ELMO1: variants seen among roughly 807,000 people sequenced by gnomAD.
ELMO1 encodes engulfment and cell motility 1, also known as engulfment and cell motility protein 1.
ELMO1 carries 26 observed loss-of-function variants against 98.9 expected under a neutral mutation model. That is an observed-to-expected ratio of 0.26 (90% confidence interval 0.19 to 0.36). The LOEUF (loss-of-function observed/expected upper bound fraction) is 0.36, where lower values mean the gene tolerates loss of function less well. Among genes scored for constraint, ELMO1 ranks in the 10% least tolerant of loss-of-function variants. The pLI, the probability that ELMO1 is intolerant of heterozygous loss-of-function variation, is 1.00. For missense variants in ELMO1, 627 were observed against 935.2 expected, an observed-to-expected ratio of 0.67 and a Z score of 4.30; for synonymous variants, 346 against 346.0, an observed-to-expected ratio of 1.00 and a Z score of 0.00.
intron 2 of ELMO1, among the ~76,000 whole-genome samples, chr7:37,330,005 G>A (rs963224050): frequency 2.6e-5 from 4 of 152,102 alleles, no homozygotes; most frequent in South Asian, 2.1e-4. Flanking sequence ...AACTAACCAC[G>A]TCACTCCCCT....
intron 13 of ELMO1, among the ~76,000 whole-genome samples, chr7:37,206,346 G>A (rs73690150): frequency 0.011 from 1,679 of 152,156 alleles, 35 homozygotes; most frequent in African/African-American, 0.038. Context: ...GCCTGTGATT[G>A]GTAGAGTCAG....
At chr7:37,302,949 T>C (rs943294680) in intron 4 of ELMO1, among the ~76,000 whole-genome samples, 1 of 152,202 alleles carries the variant, frequency 6.6e-6, no homozygotes, top group Non-Finnish European at 1.5e-5. Flanking sequence ...GCAGGCACAC[T>C]ACCTTTCCTG....
chr7:37,189,021 T>A (rs1269811645), intron 13 of ELMO1, among the ~76,000 whole-genome samples: 1 of 152,238 alleles, frequency 6.6e-6, no homozygotes, highest in Non-Finnish European at 1.5e-5. Flanking sequence ...ACCAAGGAAC[T>A]GTGCTTCTAG....
chr7:37,323,168 A>G (rs1436971493), intron 2 of ELMO1, among the ~76,000 whole-genome samples: 3 of 152,160 alleles, frequency 2.0e-5, no homozygotes, highest in African/African-American at 4.8e-5. Context: ...ACATTTGCAA[A>G]AATATCGTTA....
chr7:37,192,831 T>C (rs939593236), intron 13 of ELMO1, among the ~76,000 whole-genome samples: 8 of 146,590 alleles, frequency 5.5e-5, no homozygotes, highest in Non-Finnish European at 1.0e-4. Flanking sequence ...TGTGTGTATA[T>C]ATGTATATAT....
chr7:36,900,756 G>A (rs1056177698), intron 16 of ELMO1, among the ~76,000 whole-genome samples: 15 of 152,200 alleles, frequency 9.9e-5, no homozygotes, highest in Non-Finnish European at 1.8e-4. Flanking sequence ...TCTTCACAGT[G>A]ACGAGAAAAG....
At chr7:36,904,783 AG>A (rs1445556055) in intron 16 of ELMO1, among the ~76,000 whole-genome samples, 1 of 152,168 alleles carries the variant, frequency 6.6e-6, no homozygotes, top group Non-Finnish European at 1.5e-5. Context: ...AGAAAAGGTG[AG>A]GTTTGGGGTC....
chr7:37,332,187 C>T (rs1472363752), intron 2 of ELMO1, among the ~76,000 whole-genome samples: 1 of 152,116 alleles, frequency 6.6e-6, no homozygotes, highest in African/African-American at 2.4e-5. Context: ...GAAAGACACA[C>T]AAAGATTTTC....
At chr7:37,375,989 G>T in intron 1 of ELMO1, 1 of 548,276 alleles carries the variant, frequency 1.8e-6, no homozygotes, top group East Asian at 3.8e-5. Context: ...TTTAGAGGAG[G>T]ATTTGGTTGT....
At chr7:36,927,108 A>T (rs1312835903) in intron 16 of ELMO1, among the ~76,000 whole-genome samples, 1 of 152,206 alleles carries the variant, frequency 6.6e-6, no homozygotes, top group African/African-American at 2.4e-5. Context: ...ATATGGTTTC[A>T]TTCATTGAAT....
chr7:37,340,229 T>C (rs952964689), intron 2 of ELMO1, among the ~76,000 whole-genome samples: 1 of 152,222 alleles, frequency 6.6e-6, no homozygotes, highest in African/African-American at 2.4e-5. Flanking sequence ...GTTTTATAAA[T>C]GTACTGTGAT....
intron 14 of ELMO1, among the ~76,000 whole-genome samples, chr7:37,103,699 AT>A (rs1784772601): frequency 1.3e-5 from 2 of 152,064 alleles, no homozygotes; most frequent in African/African-American, 2.4e-5. Flanking sequence ...AATAAAAAAA[AT>A]AAAAGAGCAG....
At position 36,853,041 on chromosome 7, in the gene ELMO1, G is replaced by A. The variant is rs1801960758; in HGVS notation, c.*2510C>T. ...GTTGCCCAGGCTTAGGAAACTGCAG[G>A]CAACAGGAGATGAGTTGGAGGTGGT... On this transcript the variant is annotated 3_prime_UTR_variant, in exon 22 of 22. Transcript: ENST00000310758. Among the ~76,000 whole-genome samples the A allele has an allele frequency of 6.6e-6, 1 of 152,186 alleles. No homozygotes were observed. Among genetic ancestry groups the A allele is most frequent in the South Asian group, 2.1e-4 (1 of 4,826 alleles).
intron 16 of ELMO1, among the ~76,000 whole-genome samples, chr7:36,923,384 T>C (rs1478324677): frequency 1.3e-5 from 2 of 152,168 alleles, no homozygotes; most frequent in Non-Finnish European, 2.9e-5. Flanking sequence ...GGAAATTCAA[T>C]TTCAGTTTAA....
At chr7:37,005,107 C>CAAAAAAAAAA (rs35665315) in intron 16 of ELMO1, among the ~76,000 whole-genome samples, 84 of 38,228 alleles carry the variant, frequency 2.2e-3, no homozygotes, top group Non-Finnish European at 3.5e-3. Context: ...GGCTCTGTCT[C>CAAAAAAAAAA]AAAAAAAAAA....
At chr7:36,927,079 G>A (rs1785636343) in intron 16 of ELMO1, among the ~76,000 whole-genome samples, 1 of 152,056 alleles carries the variant, frequency 6.6e-6, no homozygotes, top group African/African-American at 2.4e-5. Context: ...CATGCATTAG[G>A]AACATTTTAA....
At chr7:37,130,197 C>T (rs967865832) in intron 14 of ELMO1, among the ~76,000 whole-genome samples, 7 of 152,100 alleles carry the variant, frequency 4.6e-5, no homozygotes, top group African/African-American at 7.2e-5. Flanking sequence ...TGTCTCTTCA[C>T]CCCCCACCCC....
upstream of ELMO1, chr7:37,448,959 T>A (rs1303238308): frequency 6.6e-6 from 1 of 152,232 alleles, no homozygotes; most frequent in Non-Finnish European, 1.5e-5. Context: ...CTGCAAGGCA[T>A]CCGGAGATCA....
At chr7:36,891,735 T>C (rs2129053356) in intron 17 of ELMO1, among the ~76,000 whole-genome samples, 1 of 152,298 alleles carries the variant, frequency 6.6e-6, no homozygotes, top group South Asian at 2.1e-4. Context: ...TTTTTAGAGA[T>C]GAGAAAAGCA....
Sources: allele counts gnomAD v4.1 joint callset (sites outside exome capture counted in the v4.1 genomes callset), GRCh38; gene constraint gnomAD v4.1.1; transcripts MANE v1.5; gene names NCBI Gene and HGNC (gene_info 2026-07-23, HGNC 2026-07-21).